The following ZBBX variants were observed in gnomAD, a reference collection of about 807,000 sequenced individuals.
ZBBX encodes the protein zinc finger B-box domain-containing protein 1.
In ZBBX, 101 loss-of-function variants were observed where a neutral mutation model predicts 108.5. The observed-to-expected ratio is 0.93, with a 90% confidence interval of 0.79 to 1.10. ZBBX has a LOEUF of 1.10. ZBBX is among the 50% of genes least tolerant of loss of function. The pLI is 0.00. For synonymous variants in ZBBX, 356 were observed against 323.4 expected, an observed-to-expected ratio of 1.10 and a Z score of -1.08; for missense variants, 1,009 against 941.4, an observed-to-expected ratio of 1.07 and a Z score of -0.94.
chr3:167,287,187 T>A (rs1024978470), intron 19 of ZBBX, among the ~76,000 whole-genome samples: 1 of 152,092 alleles, frequency 6.6e-6, no homozygotes, highest in Admixed American at 6.6e-5. Flanking sequence ...CCTATTAAGG[T>A]CCAAAAGTAA....
the ZBBX span, among the ~76,000 whole-genome samples, chr3:167,198,483 A>G: frequency 2.0e-3 from 302 of 152,232 alleles, no homozygotes; most frequent in African/African-American, 7.1e-3. Context: ...TGGATGGTAC[A>G]TTTCTTTTAA....
the ZBBX span, among the ~76,000 whole-genome samples, chr3:167,191,896 CATATATATATATAT>C: frequency 3.5e-4 from 24 of 67,956 alleles, 1 homozygote; most frequent in South Asian, 6.7e-4. Context: ...TTACAAAAAT[CATATATATATATAT>C]ATATATATAT....
chr3:167,200,257 T>A, the ZBBX span, among the ~76,000 whole-genome samples: 1 of 152,162 alleles, frequency 6.6e-6, no homozygotes, highest in African/African-American at 2.4e-5. Context: ...TTCAACGCAG[T>A]ACACCTAGTT....
intron 2 of ZBBX, among the ~76,000 whole-genome samples, chr3:167,377,857 T>G (rs13084329): frequency 0.078 from 11,880 of 152,134 alleles, 505 homozygotes; most frequent in Admixed American, 0.11. Context: ...CCAAATCTCA[T>G]CTTGAATTGT....
intron 6 of ZBBX, among the ~76,000 whole-genome samples, chr3:167,365,211 T>C (rs979313405): frequency 6.6e-6 from 1 of 151,760 alleles, no homozygotes; most frequent in Non-Finnish European, 1.5e-5. Flanking sequence ...AGATTCCAAC[T>C]GACCCAATGA....
chr3:167,334,832 C>T (rs1472623032), intron 9 of ZBBX, among the ~76,000 whole-genome samples: 1 of 152,084 alleles, frequency 6.6e-6, no homozygotes, highest in Non-Finnish European at 1.5e-5. Context: ...GGTGATAAAA[C>T]GTCTTTAGAA....
intron 1 of ZBBX, among the ~76,000 whole-genome samples, chr3:167,403,890 T>C (rs1323902847): frequency 6.6e-6 from 1 of 151,734 alleles, no homozygotes; most frequent in Admixed American, 6.6e-5. Flanking sequence ...GAAAGTAAGA[T>C]CAAGGAAACA....
chr3:167,393,821 G>C (rs555804301), intron 1 of ZBBX, among the ~76,000 whole-genome samples: 1 of 151,938 alleles, frequency 6.6e-6, no homozygotes, highest in South Asian at 2.1e-4. Context: ...TGATACAAGA[G>C]CTAAAGCCGC....
intron 20 of ZBBX, among the ~76,000 whole-genome samples, chr3:167,256,556 T>G (rs1007976970): frequency 6.6e-6 from 1 of 152,042 alleles, no homozygotes; most frequent in Non-Finnish European, 1.5e-5. Flanking sequence ...TCTTATGTAT[T>G]ATTTCTAACT....
At chr3:167,348,426 G>A (rs1317571153) in intron 9 of ZBBX, among the ~76,000 whole-genome samples, 1 of 53,774 alleles carries the variant, frequency 1.9e-5, no homozygotes, top group Non-Finnish European at 3.8e-5. Flanking sequence ...AAAGAGAAGA[G>A]GGAGAGAGAA....
chr3:167,226,490 C>T, the ZBBX span, among the ~76,000 whole-genome samples: 3 of 151,714 alleles, frequency 2.0e-5, no homozygotes, highest in Non-Finnish European at 2.9e-5. Context: ...TGGAATGGAA[C>T]ATTGTTACCA....
intron 20 of ZBBX, among the ~76,000 whole-genome samples, chr3:167,245,807 C>G (rs946213995): frequency 6.6e-6 from 1 of 151,590 alleles, no homozygotes; most frequent in Non-Finnish European, 1.5e-5. Context: ...CAAAACTGAG[C>G]CAATTAAACT....
At chr3:167,307,810 A>G (rs752490006) in intron 16 of ZBBX, among the ~76,000 whole-genome samples, 86 of 152,174 alleles carry the variant, frequency 5.7e-4, no homozygotes, top group Non-Finnish European at 8.2e-4. Flanking sequence ...TACAAAAATT[A>G]ACTCAAGATA....
At chr3:167,352,415 C>T (rs769214918) in intron 8 of ZBBX, among the ~76,000 whole-genome samples, 1 of 151,990 alleles carries the variant, frequency 6.6e-6, no homozygotes, top group African/African-American at 2.4e-5. Flanking sequence ...AACGCACAGC[C>T]TCTCAAGGTT....
intron 19 of ZBBX, among the ~76,000 whole-genome samples, chr3:167,284,789 G>A (rs1392018794): frequency 6.6e-6 from 1 of 152,028 alleles, no homozygotes; most frequent in African/African-American, 2.4e-5. Context: ...GAAACAGACA[G>A]AAGAGGCCCC....
intron 20 of ZBBX, among the ~76,000 whole-genome samples, chr3:167,273,286 A>G (rs897994338): frequency 2.6e-5 from 4 of 152,188 alleles, no homozygotes; most frequent in African/African-American, 9.7e-5. Context: ...CATTAAATAA[A>G]AGCAATTGTT....
chr3:167,303,297 A>G (rs1023340576), intron 17 of ZBBX, among the ~76,000 whole-genome samples: 3 of 152,200 alleles, frequency 2.0e-5, no homozygotes, highest in Non-Finnish European at 2.9e-5. Flanking sequence ...AACAATCCCT[A>G]CAATGATCTC....
At chr3:167,394,840 G>A (rs888516628) in intron 1 of ZBBX, among the ~76,000 whole-genome samples, 4 of 152,052 alleles carry the variant, frequency 2.6e-5, no homozygotes, top group African/African-American at 7.2e-5. Context: ...TAGTCGATCC[G>A]AGGTGGACCT....
chr3:167,397,710 A>T (rs1748293977), intron 1 of ZBBX, among the ~76,000 whole-genome samples: 1 of 151,928 alleles, frequency 6.6e-6, no homozygotes, highest in East Asian at 1.9e-4. Context: ...TATAAGGCTA[A>T]GAAAAAACAA....
Sources: allele counts gnomAD v4.1 joint callset (sites outside exome capture counted in the v4.1 genomes callset), GRCh38; gene constraint gnomAD v4.1.1; transcripts MANE v1.5; gene names NCBI Gene and HGNC (gene_info 2026-07-23, HGNC 2026-07-21).